The following TSHZ2 variants were observed in gnomAD, a reference collection of about 807,000 sequenced individuals.
TSHZ2 encodes teashirt homolog 2.
TSHZ2 carries 21 observed loss-of-function variants against 74.4 expected under a neutral mutation model. The ratio of observed to expected loss-of-function variants is 0.28; its 90% confidence interval spans 0.20 to 0.41. The LOEUF is 0.41. TSHZ2 is among the 10% of genes least tolerant of loss of function. TSHZ2 has a pLI of 1.00. For missense variants in TSHZ2, 1,244 were observed against 1,293.5 expected (o/e 0.96, Z 0.59); for synonymous variants, 540 against 515.3 (o/e 1.05, Z -0.65).
At position 53,494,848 on chromosome 20, in the gene TSHZ2, T is replaced by G. The variant is rs1468563091; in HGVS notation, c.*7713T>G. 6.6e-6 allele frequency: 1 copy of G among 151,658 alleles called. No homozygotes were observed. Among genetic ancestry groups the G allele is most frequent in the Non-Finnish European group, 1.5e-5 (1 of 67,914 alleles). The allele number at this position is 151,658 out of a possible 1,614,324, so 9.4% of individuals were successfully genotyped here. On this transcript the variant is annotated 3_prime_UTR_variant, in exon 3 of 3. Transcript: ENST00000371497. ...TGCCTTTGTGTTGAAAAAAAAAAAG[T>G]CTCTTTTTTTTCCCCCACTCAGCAG...
intron 2 of TSHZ2, among the ~76,000 whole-genome samples, chr20:53,460,580 G>C (rs1029346790): frequency 2.0e-5 from 3 of 152,196 alleles, no homozygotes; most frequent in Non-Finnish European, 2.9e-5. Context: ...GCTTTGTTCC[G>C]TTGCTGGTGA....
chr20:53,081,014 C>CT (rs1475497305), intron 1 of TSHZ2, among the ~76,000 whole-genome samples: 1 of 152,048 alleles, frequency 6.6e-6, no homozygotes, highest in Non-Finnish European at 1.5e-5. Flanking sequence ...TATAATACTG[C>CT]TTTTAAAACA....
chr20:53,265,539 A>G (rs904844506), intron 2 of TSHZ2, among the ~76,000 whole-genome samples: 1 of 152,066 alleles, frequency 6.6e-6, no homozygotes, highest in Admixed American at 6.5e-5. Context: ...GGCTCAGCCC[A>G]CCTCTGTGAG....
intron 1 of TSHZ2, among the ~76,000 whole-genome samples, chr20:53,172,496 G>A (rs961686256): frequency 2.0e-5 from 3 of 152,164 alleles, no homozygotes; most frequent in African/African-American, 7.2e-5. Flanking sequence ...TCTGTGGGTA[G>A]AGGAGGAAGA....
At chr20:53,355,955 A>C (rs557531702) in intron 2 of TSHZ2, among the ~76,000 whole-genome samples, 2 of 152,294 alleles carry the variant, frequency 1.3e-5, no homozygotes, top group South Asian at 2.1e-4. Context: ...AGCATTTGGC[A>C]TGCATAACAA....
intron 1 of TSHZ2, among the ~76,000 whole-genome samples, chr20:53,192,480 T>A (rs1318503935): frequency 6.6e-6 from 1 of 151,314 alleles, no homozygotes; most frequent in Non-Finnish European, 1.5e-5. Context: ...GTGACTCCCT[T>A]GTGGGCATTT....
intron 2 of TSHZ2, among the ~76,000 whole-genome samples, chr20:53,480,625 C>T (rs558716364): frequency 6.6e-6 from 1 of 151,984 alleles, no homozygotes; most frequent in Non-Finnish European, 1.5e-5. Flanking sequence ...ACAACAGCAC[C>T]TTGTGTGAAA....
intron 2 of TSHZ2, among the ~76,000 whole-genome samples, chr20:53,315,532 A>T (rs1340043785): frequency 6.6e-6 from 1 of 152,236 alleles, no homozygotes; most frequent in Non-Finnish European, 1.5e-5. Context: ...TGCCCAACAA[A>T]CCAAATTAAA....
At chr20:53,407,661 A>C (rs1005487738) in intron 2 of TSHZ2, among the ~76,000 whole-genome samples, 1 of 152,224 alleles carries the variant, frequency 6.6e-6, no homozygotes, top group African/African-American at 2.4e-5. Flanking sequence ...CTTGCCATAC[A>C]TCTATGGACT....
chr20:53,307,786 T>C (rs1454225942), intron 2 of TSHZ2, among the ~76,000 whole-genome samples: 1 of 152,168 alleles, frequency 6.6e-6, no homozygotes, highest in Non-Finnish European at 1.5e-5. Context: ...GCCACGGATA[T>C]GGTTTTAAAC....
chr20:52,974,381 C>A (rs945115087), intron 1 of TSHZ2, among the ~76,000 whole-genome samples: 5 of 152,132 alleles, frequency 3.3e-5, no homozygotes, highest in Non-Finnish European at 5.9e-5. Context: ...GTGACGCAAA[C>A]CTTGCCCTCT....
intron 2 of TSHZ2, among the ~76,000 whole-genome samples, chr20:53,395,103 A>G (rs1320916357): frequency 6.6e-6 from 1 of 152,200 alleles, no homozygotes; most frequent in East Asian, 1.9e-4. Context: ...TGTGAAATCA[A>G]AGGTGAAATG....
chr20:53,290,038 A>G (rs938950271), intron 2 of TSHZ2, among the ~76,000 whole-genome samples: 1 of 152,254 alleles, frequency 6.6e-6, no homozygotes, highest in African/African-American at 2.4e-5. Context: ...TTAGTTGTCA[A>G]TATTTAAAAT....
intron 1 of TSHZ2, among the ~76,000 whole-genome samples, chr20:53,012,015 G>T (rs1376386380): frequency 6.6e-6 from 1 of 152,204 alleles, no homozygotes; most frequent in Non-Finnish European, 1.5e-5. Flanking sequence ...ATGCTAGTCA[G>T]TGATACAGCT....
intron 1 of TSHZ2, among the ~76,000 whole-genome samples, chr20:52,977,368 G>T (rs1216732774): frequency 6.6e-6 from 1 of 151,438 alleles, no homozygotes; most frequent in African/African-American, 2.4e-5. Flanking sequence ...TATCTCACGC[G>T]ATGGATTCCT....
chr20:53,421,602 G>T, intron 2 of TSHZ2: 1 of 202,650 alleles, frequency 4.9e-6, no homozygotes, highest in Non-Finnish European at 1.0e-5. Flanking sequence ...GAGAGCTTTG[G>T]GCCAGGAATG....
chr20:53,324,328 A>C (rs1490887566), intron 2 of TSHZ2, among the ~76,000 whole-genome samples: 3 of 152,096 alleles, frequency 2.0e-5, no homozygotes, highest in Non-Finnish European at 2.9e-5. Flanking sequence ...AGGTAGGATG[A>C]GGGAGAAGGA....
intron 1 of TSHZ2, among the ~76,000 whole-genome samples, chr20:53,154,051 C>T (rs146611401): frequency 2.0e-5 from 3 of 152,308 alleles, no homozygotes; most frequent in African/African-American, 7.2e-5. Flanking sequence ...GTCAAAAGGC[C>T]AGCCCAACTT....
chr20:53,320,939 G>C (rs940456931), intron 2 of TSHZ2, among the ~76,000 whole-genome samples: 2 of 152,122 alleles, frequency 1.3e-5, no homozygotes, highest in Non-Finnish European at 2.9e-5. Flanking sequence ...GCTGGCCAGT[G>C]CCCATGTACG....
Sources: gnomAD v4.1 joint callset for allele counts (sites outside exome capture counted in the v4.1 genomes callset) on GRCh38, gnomAD v4.1.1 for gene constraint, MANE v1.5 for transcripts, NCBI Gene and HGNC (gene_info 2026-07-23, HGNC 2026-07-21) for gene names.